The following CNTN4 variants were observed in gnomAD, a reference collection of about 807,000 sequenced individuals.
The protein encoded by CNTN4 is contactin 4, also known as contactin-4.
In CNTN4, 77 loss-of-function variants were observed where a neutral mutation model predicts 122.5. That is an observed-to-expected ratio of 0.63 (90% CI 0.52 to 0.76). The LOEUF is 0.76. Among genes scored for constraint, CNTN4 ranks in the 30% least tolerant of loss-of-function variants. The pLI, the probability that CNTN4 is intolerant of heterozygous loss-of-function variation, is 0.00. For missense variants in CNTN4, 1,256 were observed against 1,259.1 expected (o/e 1.00, Z 0.04); for synonymous variants, 512 against 447.0 (o/e 1.15, Z -1.83).
chr3:2,459,362 G>T (rs1315960211), intron 3 of CNTN4, among the ~76,000 whole-genome samples: 1 of 152,042 alleles, frequency 6.6e-6, no homozygotes, highest in African/African-American at 2.4e-5. Flanking sequence ...TATCTCAGAA[G>T]ACAGTAAAAA....
At chr3:2,169,957 T>G (rs1272070540) in intron 2 of CNTN4, among the ~76,000 whole-genome samples, 1 of 152,146 alleles carries the variant, frequency 6.6e-6, no homozygotes, top group Non-Finnish European at 1.5e-5. Flanking sequence ...CTTTTAGAAC[T>G]AATGAGTTCA....
At chr3:2,351,430 A>C (rs2044617342) in intron 3 of CNTN4, among the ~76,000 whole-genome samples, 1 of 152,172 alleles carries the variant, frequency 6.6e-6, no homozygotes, top group Admixed American at 6.5e-5. Context: ...TTTCTTCCTC[A>C]AAGATGGGAC....
chr3:2,753,771 A>G (rs745349796), intron 6 of CNTN4, among the ~76,000 whole-genome samples: 1 of 152,146 alleles, frequency 6.6e-6, no homozygotes. Context: ...TACATCCATC[A>G]TATATTTGCT....
At chr3:2,240,901 A>G (rs568019214) in intron 2 of CNTN4, among the ~76,000 whole-genome samples, 30 of 152,124 alleles carry the variant, frequency 2.0e-4, no homozygotes, top group Non-Finnish European at 3.5e-4. Flanking sequence ...TTTGAAATCA[A>G]TTTCATTGTT....
chr3:2,819,464 T>C, intron 6 of CNTN4, 22 bp from the exon 7 acceptor site: 1 of 1,573,626 alleles, frequency 6.4e-7, no homozygotes, highest in Non-Finnish European at 8.7e-7. Context: ...TTAAATGCTT[T>C]TTCCCATATT....
At chr3:2,542,336 G>C (rs952135922) in intron 3 of CNTN4, among the ~76,000 whole-genome samples, 2 of 152,086 alleles carry the variant, frequency 1.3e-5, no homozygotes, top group Non-Finnish European at 2.9e-5. Context: ...GACTTCCATG[G>C]ACTCAGGTTG....
In CNTN4 at chr3:2,866,858, A is replaced by G; in HGVS notation, c.561A>G (p.Ser187=). The G allele has an allele frequency of 6.2e-7, 1 of 1,614,076 alleles. No individual in the cohort carries two copies. The highest frequency in any genetic ancestry group is 8.5e-7 in the Non-Finnish European group (1 of 1,179,950). Residue 187 remains serine, a synonymous_variant, in exon 8 of 25, where the codon TCA becomes TCG. Transcript: ENST00000418658. ...TGTATATTGCCAAAGTAGAAAAATCAGATGTTGGGAATTATACCTGTGTGG... is the reference window on the plus strand; with the variant it reads ...TGTATATTGCCAAAGTAGAAAAATCGGATGTTGGGAATTATACCTGTGTGG... ...GNLYIAKVEK[S]DVGNYTCVVT... is the part of the protein sequence containing the mutation.
intron 3 of CNTN4, among the ~76,000 whole-genome samples, chr3:2,430,381 C>T (rs1338844797): frequency 1.0e-4 from 15 of 147,830 alleles, no homozygotes; most frequent in African/African-American, 3.5e-4. Flanking sequence ...AAGATTGGGC[C>T]ACTGCACTCC....
chr3:2,988,591 T>A (rs1694792746), intron 14 of CNTN4, 119 bp downstream of exon 14: 3 of 1,041,274 alleles, frequency 2.9e-6, no homozygotes, highest in African/African-American at 3.1e-5. Flanking sequence ...ATTGCTAAAT[T>A]AATTCATCAC....
At chr3:2,402,391 A>AT (rs765849872) in intron 3 of CNTN4, among the ~76,000 whole-genome samples, 6 of 152,028 alleles carry the variant, frequency 3.9e-5, no homozygotes, top group African/African-American at 7.2e-5. Flanking sequence ...TCCATCTCTG[A>AT]TTTTTTATTT....
At chr3:2,723,343 A>T (rs2087983941) in intron 4 of CNTN4, among the ~76,000 whole-genome samples, 1 of 152,154 alleles carries the variant, frequency 6.6e-6, no homozygotes, top group East Asian at 1.9e-4. Flanking sequence ...ATGCCATTTT[A>T]CTCACAGCCT....
intron 7 of CNTN4, among the ~76,000 whole-genome samples, chr3:2,858,449 G>A (rs562218736): frequency 6.6e-6 from 1 of 152,356 alleles, no homozygotes; most frequent in South Asian, 2.1e-4. Context: ...ATCAAGGCCA[G>A]GCACAGTGGC....
At chr3:2,619,449 A>T (rs770608594) in intron 4 of CNTN4, among the ~76,000 whole-genome samples, 2 of 152,250 alleles carry the variant, frequency 1.3e-5, no homozygotes, top group East Asian at 3.8e-4. Context: ...ACATTCCATT[A>T]TCCATCTATG....
intron 6 of CNTN4, 111 bp from the exon 7 acceptor site, chr3:2,819,375 G>A: frequency 1.3e-6 from 1 of 797,888 alleles, no homozygotes; most frequent in Non-Finnish European, 2.2e-6. Context: ...CGGTATGGGT[G>A]CTACCAACGC....
In CNTN4 at chr3:2,974,467, A is replaced by G. The variant is rs555665993; in HGVS notation, c.1359-13878A>G. Among the ~76,000 whole-genome samples the G allele has an allele frequency of 1.1e-4, 17 of 152,322 alleles. No individual in the cohort carries two copies. In the South Asian group the frequency reaches 2.3e-3, roughly 20 times the overall value. ...CATTTAACCTTCTCACAAAAAACCT[A>G]TGAAATTCAGGTGCTTGTTAATTAT... On this transcript the variant is annotated intron_variant, in intron 13 of 24. Coordinates refer to ENST00000418658, the MANE Select transcript of CNTN4 (RefSeq NM_175607.3).
intron 2 of CNTN4, among the ~76,000 whole-genome samples, chr3:2,155,300 C>T (rs765352385): frequency 2.0e-5 from 3 of 152,158 alleles, no homozygotes; most frequent in Non-Finnish European, 2.9e-5. Flanking sequence ...CTTCTGATTG[C>T]AGAGGCTCTG....
At chr3:2,686,677 C>T (rs1460462456) in intron 4 of CNTN4, among the ~76,000 whole-genome samples, 3 of 152,142 alleles carry the variant, frequency 2.0e-5, no homozygotes, top group East Asian at 1.9e-4. Context: ...GTGTGTTACA[C>T]CCTTTTCTCT....
At position 2,328,285 on chromosome 3, in the gene CNTN4, A is replaced by G. The variant is rs868134122; in HGVS notation, c.-144-10893A>G. Reference sequence around the variant, plus strand: ...GCCGGGCGTGGTGGCGGGCGCCTGTAGTCCCAGCTACTCGGGAGGCTGAGG... The same window carrying G: ...GCCGGGCGTGGTGGCGGGCGCCTGTGGTCCCAGCTACTCGGGAGGCTGAGG... On this transcript the variant is annotated intron_variant, in intron 2 of 24. Transcript: ENST00000418658. 9.1e-4 allele frequency among the ~76,000 whole-genome samples: 137 copies of G among 150,788 alleles called. 3 individuals carry two copies. Among genetic ancestry groups the G allele is most frequent in the African/African-American group, 3.1e-3 (126 of 41,260 alleles).
At chr3:2,950,651 C>T (rs2094730794) in intron 13 of CNTN4, among the ~76,000 whole-genome samples, 1 of 152,186 alleles carries the variant, frequency 6.6e-6, no homozygotes, top group Admixed American at 6.5e-5. Context: ...AACGTGTGGC[C>T]ACTCACCTAG....
Sources: gnomAD v4.1 joint callset for allele counts (sites outside exome capture counted in the v4.1 genomes callset) on GRCh38, gnomAD v4.1.1 for gene constraint, MANE v1.5 for transcripts, NCBI Gene and HGNC (gene_info 2026-07-23, HGNC 2026-07-21) for gene names.